The following KIF2A variants were observed in gnomAD, a reference collection of about 807,000 sequenced individuals.
KIF2A encodes the protein kinesin family member 2A.
In KIF2A, 22 loss-of-function variants were observed where a neutral mutation model predicts 100.2. That is an observed-to-expected ratio of 0.22 (90% CI 0.16 to 0.31). KIF2A has a LOEUF of 0.31. Ranked by LOEUF, KIF2A falls within the 10% of genes least tolerant of loss-of-function variation. The pLI is 1.00. For synonymous variants in KIF2A, 268 were observed against 285.9 expected (o/e 0.94, Z 0.63); for missense variants, 495 against 898.7 (o/e 0.55, Z 5.74).
chr5:62,326,862 T>C (rs1746404003), intron 1 of KIF2A, among the ~76,000 whole-genome samples: 1 of 152,052 alleles, frequency 6.6e-6, no homozygotes. Flanking sequence ...CAGGGCATGG[T>C]AGCACATGCC....
rs750092067 is a variant in KIF2A, at chr5:62,363,761, T to C, written c.1329T>C (p.Leu443=). The C allele has an allele frequency of 1.9e-5, 31 of 1,613,842 alleles. No homozygotes were observed. The Admixed American group carries it at 5.2e-4, about 27-fold the overall frequency. Reference sequence around the variant, plus strand: ...GCCATGCAGTGTTTCAGATTATTCTTAGAAGGAAAGGAAAACTACATGGCA... The same window carrying C: ...GCCATGCAGTGTTTCAGATTATTCTCAGAAGGAAAGGAAAACTACATGGCA... ...SRSHAVFQII[L]RRKGKLHGKF... The change falls in exon 14 of 21, where the codon CTT becomes CTC. Residue 443 remains leucine (L), a synonymous_variant. Coordinates refer to ENST00000407818, the MANE Select transcript of KIF2A (RefSeq NM_001098511.3).
At chr5:62,373,948 C>T in intron 18 of KIF2A, 111 bp downstream of exon 18, 2 of 883,880 alleles carry the variant, frequency 2.3e-6, no homozygotes, top group Non-Finnish European at 3.5e-6. Flanking sequence ...TGTGGTGGCT[C>T]AAGCTTGTAA....
At chr5:62,373,953 T>C in intron 18 of KIF2A, 116 bp downstream of exon 18, 1 of 823,432 alleles carries the variant, frequency 1.2e-6, no homozygotes, top group South Asian at 1.7e-5. Context: ...TGGCTCAAGC[T>C]TGTAATCTCA....
intron 14 of KIF2A, among the ~76,000 whole-genome samples, chr5:62,364,624 T>G (rs1740982759): frequency 6.6e-6 from 1 of 152,246 alleles, no homozygotes; most frequent in South Asian, 2.1e-4. Flanking sequence ...CATTCTGTGT[T>G]TTTTTCTTTT....
chr5:62,328,223 C>T (rs531558409), intron 1 of KIF2A, among the ~76,000 whole-genome samples: 3 of 151,748 alleles, frequency 2.0e-5, no homozygotes, highest in East Asian at 3.9e-4. Context: ...AATGTAGATA[C>T]GAAGAATAGC....
chr5:62,333,032 G>C (rs901123328), intron 1 of KIF2A, among the ~76,000 whole-genome samples: 1 of 152,094 alleles, frequency 6.6e-6, no homozygotes, highest in South Asian at 2.1e-4. Flanking sequence ...CCTACATTTT[G>C]TATCACTTTG....
In KIF2A at chr5:62,370,934, A is replaced by C. The variant is rs77522239; in HGVS notation, c.1647-1504A>C. Among the ~76,000 whole-genome samples, 420 of 152,220 alleles carry C rather than the reference A, an allele frequency of 2.8e-3. 2 individuals are homozygous for C. The highest frequency in any genetic ancestry group is 4.4e-3 in the Non-Finnish European group (302 of 68,010). On this transcript the variant is annotated intron_variant, in intron 16 of 20. Transcript: ENST00000407818. ...TCTAAATTAAAAGATTTAGATAAGA[A>C]ATGGGGTGGGAGTGAAAATAGTTGT...
intron 20 of KIF2A, among the ~76,000 whole-genome samples, chr5:62,383,705 G>C (rs754519102): frequency 2.0e-5 from 3 of 151,998 alleles, no homozygotes; most frequent in Non-Finnish European, 2.9e-5. Context: ...TATTTAAATT[G>C]TTTTGATCAT....
intron 12 of KIF2A, 35 bp downstream of exon 12, chr5:62,362,576 AAT>A: frequency 9.7e-6 from 9 of 931,248 alleles, no homozygotes; most frequent in East Asian, 6.5e-5. Flanking sequence ...AATTTTTTAA[AAT>A]ATATATATAA....
intron 1 of KIF2A, among the ~76,000 whole-genome samples, chr5:62,317,110 G>A (rs958418921): frequency 5.9e-5 from 9 of 151,514 alleles, no homozygotes; most frequent in African/African-American, 1.7e-4. Context: ...GTGCAGTGGT[G>A]CAATATCGGC....
chr5:62,373,785 G>A lies in KIF2A; in HGVS notation c.1859G>A (p.Gly620Asp). 1 of 1,612,510 alleles carries A rather than the reference G, an allele frequency of 6.2e-7. No individual in the cohort carries two copies. The highest frequency in any genetic ancestry group is 8.5e-7 in the Non-Finnish European group (1 of 1,178,518). Residue 620 changes from glycine (G) to aspartate (D), a missense_variant, in exon 18 of 21, where the codon GGT becomes GAT. By Grantham distance (94) the Gly-to-Asp change is moderately conservative. Coordinates refer to ENST00000407818, the MANE Select transcript of KIF2A (RefSeq NM_001098511.3). ...ATTGATGACTTAGAGACACAGTGGG[G>A]TGTGGGGAGTTCCCCTCAGAGAGAT... ...NQIDDLETQW[G>D]VGSSPQRDDL...
At chr5:62,322,810 T>A (rs907738290) in intron 1 of KIF2A, among the ~76,000 whole-genome samples, 4 of 150,840 alleles carry the variant, frequency 2.7e-5, no homozygotes, top group African/African-American at 9.7e-5. Flanking sequence ...AAGAGATGCA[T>A]GGGAAATAGC....
intron 20 of KIF2A, among the ~76,000 whole-genome samples, chr5:62,384,549 C>G (rs1184681200): frequency 6.6e-6 from 1 of 152,066 alleles, no homozygotes. Context: ...TTGGGATAAC[C>G]AAAAATGTCT....
chr5:62,363,674 A>T (rs766458266), intron 13 of KIF2A, 21 bp from the exon 14 acceptor site: 1 of 1,600,510 alleles, frequency 6.2e-7, no homozygotes, highest in East Asian at 2.2e-5. Flanking sequence ...ATGTATCAAG[A>T]TGTCCTTAAT....
At chr5:62,312,801 A>G (rs565401136) in intron 1 of KIF2A, among the ~76,000 whole-genome samples, 1 of 152,310 alleles carries the variant, frequency 6.6e-6, no homozygotes, top group African/African-American at 2.4e-5. Flanking sequence ...TAGGCTGAGC[A>G]TGGTAGTTCA....
chr5:62,369,812 TC>T (rs1741238675), intron 16 of KIF2A, among the ~76,000 whole-genome samples: 1 of 152,220 alleles, frequency 6.6e-6, no homozygotes, highest in Non-Finnish European at 1.5e-5. Flanking sequence ...ACTATTTCTG[TC>T]TTAAGTGTTT....
At chr5:62,308,993 C>T (rs1319423663) in intron 1 of KIF2A, among the ~76,000 whole-genome samples, 1 of 152,064 alleles carries the variant, frequency 6.6e-6, no homozygotes, top group Middle Eastern at 3.2e-3. Flanking sequence ...TGTTGTAAAC[C>T]TCAGTTGCAC....
Position 62,350,090 on chromosome 5 carries a change from A to G in KIF2A, c.304A>G (p.Lys102Glu). 1 of 1,589,904 alleles carries G rather than the reference A, an allele frequency of 6.3e-7. No individual in the cohort carries two copies. Among genetic ancestry groups the G allele is most frequent in the Non-Finnish European group, 8.6e-7 (1 of 1,168,750 alleles). ...GAATCGACGGACTGTAGCTTCTATT[A>G]AGAATGACCCTCCTTCAAGAGATAA... ...VKNRRTVASIKNDPPSRDNRV... is the reference protein window; with the variant it reads ...VKNRRTVASIENDPPSRDNRV... Residue 102 changes from lysine to glutamate, a missense_variant, in exon 4 of 21, where the codon AAG becomes GAG. Around this residue, in one of 10 missense-constraint regions of KIF2A, gnomAD observed 115 missense variants for 143.6 expected, o/e 0.80. Coordinates refer to ENST00000407818, the MANE Select transcript of KIF2A (RefSeq NM_001098511.3).
At chr5:62,329,231 CAG>C (rs781144839) in intron 1 of KIF2A, among the ~76,000 whole-genome samples, 6 of 152,134 alleles carry the variant, frequency 3.9e-5, no homozygotes, top group African/African-American at 1.4e-4. Flanking sequence ...ATAAACCAAA[CAG>C]AAATGTCTCT....
Sources: gnomAD v4.1 joint callset for allele counts (sites outside exome capture counted in the v4.1 genomes callset) on GRCh38, gnomAD v4.1.1 for gene constraint, gnomAD v4.1.1 regional missense constraint, MANE v1.5 for transcripts, NCBI Gene and HGNC (gene_info 2026-07-23, HGNC 2026-07-21) for gene names.